POLB: variants seen among roughly 807,000 people sequenced by gnomAD.
POLB encodes the protein 5'-dRP lyase.
A neutral mutation model predicts 52.7 loss-of-function variants in POLB; 37 were observed. The ratio of observed to expected loss-of-function variants is 0.70; its 90% confidence interval spans 0.54 to 0.92. POLB has a LOEUF of 0.92. Ranked by LOEUF, POLB falls within the 40% of genes least tolerant of loss-of-function variation. POLB has a pLI of 0.00. For missense variants in POLB, 313 were observed against 400.8 expected (o/e 0.78, Z 1.87); for synonymous variants, 138 against 131.3 (o/e 1.05, Z -0.35).
rs551474687 is a variant in POLB at position 42,338,531 on chromosome 8, G to T, written c.-94G>T. 13 of 1,139,968 alleles carry T rather than the reference G, an allele frequency of 1.1e-5. No homozygotes were observed. Among genetic ancestry groups the T allele is most frequent in the Admixed American group, 5.2e-5 (3 of 57,942 alleles). The allele number at this position is 1,139,968 out of a possible 1,614,324, so 70.6% of individuals were successfully genotyped here. A position where few individuals can be genotyped will look rare whatever the true frequency, so the allele number is the denominator to read the frequency against. On this transcript the variant is annotated 5_prime_UTR_variant, in exon 1 of 14. Coordinates refer to ENST00000265421, the MANE Select transcript of POLB (RefSeq NM_002690.3). ...GTCGCGCCGGAGCTGGGTTGCTCCT[G>T]CTCCCGTCTCCAAGTCCTGGTACCT...
intron 13 of POLB, among the ~76,000 whole-genome samples, chr8:42,370,761 A>G (rs141583214): frequency 2.6e-5 from 4 of 152,338 alleles, no homozygotes; most frequent in Admixed American, 2.0e-4. Flanking sequence ...TACACATAAA[A>G]TACACTAACA....
intron 3 of POLB, among the ~76,000 whole-genome samples, chr8:42,348,251 T>C (rs998487085): frequency 6.6e-6 from 1 of 152,140 alleles, no homozygotes; most frequent in Non-Finnish European, 1.5e-5. Context: ...TGCCAGTCAC[T>C]AGGGATAAAA....
chr8:42,346,165 A>G (rs1822597080), intron 3 of POLB, among the ~76,000 whole-genome samples: 1 of 152,056 alleles, frequency 6.6e-6, no homozygotes, highest in African/African-American at 2.4e-5. Flanking sequence ...CAGGTGATCC[A>G]CTGCCTTGAG....
intron 6 of POLB, among the ~76,000 whole-genome samples, chr8:42,353,845 A>G (rs753380806): frequency 6.6e-6 from 1 of 150,938 alleles, no homozygotes; most frequent in African/African-American, 2.4e-5. Flanking sequence ...ATTAAATGCA[A>G]TAATATATGT....
intron 11 of POLB, 74 bp from the exon 12 acceptor site, chr8:42,369,197 T>G: frequency 1.1e-6 from 1 of 876,592 alleles, no homozygotes; most frequent in Non-Finnish European, 1.8e-6. Context: ...AAAAATGGCC[T>G]TGTGTTTTAC....
At chr8:42,344,097 C>T (rs564886568) in intron 2 of POLB, among the ~76,000 whole-genome samples, 69 of 147,144 alleles carry the variant, frequency 4.7e-4, no homozygotes, top group African/African-American at 1.7e-3. Flanking sequence ...CGCCACTGCA[C>T]TCCAGACTGG....
In POLB at chr8:42,352,416, G is replaced by C. The variant is rs1823031247; in HGVS notation, c.321-103G>C. ...AAAGTAGCCATGCAACATTTTAGCA[G>C]GTCTTGTTTAGCTTAATAGCAGCTC... is the stretch of plus-strand genomic sequence containing the variant. On this transcript the variant is annotated intron_variant, in intron 5 of 13. Transcript: ENST00000265421. 9 of 763,436 alleles carry C rather than the reference G, an allele frequency of 1.2e-5. 1 individual carries two copies. The highest frequency in any genetic ancestry group is 7.2e-6 in the Non-Finnish European group (3 of 418,612). The allele number at this position is 763,436 out of a possible 1,614,324, so 47.3% of individuals were successfully genotyped here.
Position 42,344,947 on chromosome 8 carries a change from T to A in POLB, c.120-6T>A. The A allele has an allele frequency of 6.3e-7, 1 of 1,577,184 alleles. No homozygotes were observed. Reference sequence around the variant, plus strand: ...AATTGGTTTTCCTTTTCTTCTTTCCTTATAGAAAAGCAGCATCTGTTATAG... The same window carrying A: ...AATTGGTTTTCCTTTTCTTCTTTCCATATAGAAAAGCAGCATCTGTTATAG... On this transcript the variant is annotated splice_region_variant and splice_polypyrimidine_tract_variant and intron_variant, in intron 2 of 13. Coordinates refer to ENST00000265421, the MANE Select transcript of POLB (RefSeq NM_002690.3).
intron 7 of POLB, among the ~76,000 whole-genome samples, chr8:42,356,560 A>G (rs931701085): frequency 1.3e-5 from 2 of 152,136 alleles, no homozygotes; most frequent in Non-Finnish European, 2.9e-5. Flanking sequence ...TTGTTATCTC[A>G]GAAAGAACCC....
chr8:42,370,231 C>T (rs763892266), intron 13 of POLB: 5 of 519,406 alleles, frequency 9.6e-6, no homozygotes, highest in African/African-American at 3.8e-5. Flanking sequence ...CTTGCATGCT[C>T]AGTAAAATAT....
chr8:42,347,975 A>G (rs1345426795), intron 3 of POLB, among the ~76,000 whole-genome samples: 2 of 152,188 alleles, frequency 1.3e-5, no homozygotes, highest in Non-Finnish European at 2.9e-5. Flanking sequence ...AAAAAGTTCA[A>G]TTTTACTGAT....
At chr8:42,339,231 C>T (rs1822043160) in intron 2 of POLB, 162 bp downstream of exon 2, 1 of 662,660 alleles carries the variant, frequency 1.5e-6, no homozygotes, top group Admixed American at 2.3e-5. Context: ...AGAATGTGGG[C>T]AGTGCGTTAT....
chr8:42,355,434 A>G lies in POLB; in HGVS notation c.371-82A>G, dbSNP rs539878353. On this transcript the variant is annotated intron_variant, in intron 6 of 13. Coordinates refer to ENST00000265421, the MANE Select transcript of POLB (RefSeq NM_002690.3). Reference sequence around the variant, plus strand: ...GTATTTGTTCCCCAGGTGGTTCTTTATAAAAAGGGTCATTGAGTTTAGCAT... The same window carrying G: ...GTATTTGTTCCCCAGGTGGTTCTTTGTAAAAAGGGTCATTGAGTTTAGCAT... The G allele has an allele frequency of 2.7e-5, 21 of 765,392 alleles. No individual in the cohort carries two copies. In the East Asian group the frequency reaches 5.0e-4, roughly 18 times the overall value. 47.4% of individuals were successfully genotyped at this position (765,392 alleles called of 1,614,324 possible).
At chr8:42,342,532 C>T (rs1023189046) in intron 2 of POLB, 50 of 823,372 alleles carry the variant, frequency 6.1e-5, no homozygotes, top group Non-Finnish European at 8.5e-5. Context: ...TATTACCAAG[C>T]GTTTCTGAGC....
intron 5 of POLB, among the ~76,000 whole-genome samples, chr8:42,350,562 C>T (rs978800563): frequency 2.6e-5 from 4 of 152,060 alleles, no homozygotes; most frequent in Non-Finnish European, 4.4e-5. Context: ...TAGGTGCACG[C>T]CCCCTTGCCC....
At chr8:42,354,861 A>G (rs1462692331) in intron 6 of POLB, among the ~76,000 whole-genome samples, 1 of 152,028 alleles carries the variant, frequency 6.6e-6, no homozygotes, top group Non-Finnish European at 1.5e-5. Context: ...TTTGAGCACA[A>G]TGACTGCACA....
intron 7 of POLB, 98 bp from the exon 8 acceptor site, chr8:42,357,071 G>C (rs1416108068): frequency 3.0e-6 from 2 of 677,816 alleles, no homozygotes; most frequent in Non-Finnish European, 5.2e-6. Context: ...AGAATGATCT[G>C]CTGGTATGGC....
chr8:42,370,053 C>A (rs1697853966), intron 13 of POLB, 65 bp downstream of exon 13: 1 of 1,389,256 alleles, frequency 7.2e-7, no homozygotes, highest in Non-Finnish European at 1.0e-6. Flanking sequence ...TTCAAAGATA[C>A]TTTGGTTTAG....
intron 10 of POLB, 34 bp downstream of exon 10, chr8:42,361,399 CT>C: frequency 7.5e-7 from 1 of 1,338,662 alleles, no homozygotes; most frequent in Non-Finnish European, 1.1e-6. Context: ...GGTGATCAGT[CT>C]TACACAACAG....
Sources: gnomAD v4.1 joint callset for allele counts (sites outside exome capture counted in the v4.1 genomes callset) on GRCh38, gnomAD v4.1.1 for gene constraint, MANE v1.5 for transcripts, NCBI Gene and HGNC (gene_info 2026-07-23, HGNC 2026-07-21) for gene names.